The following MIER3 variants were observed in gnomAD, a reference collection of about 807,000 sequenced individuals.
MIER3 encodes the protein mesoderm induction early response protein 3.
A neutral mutation model predicts 63.2 loss-of-function variants in MIER3; 9 were observed. The observed-to-expected ratio is 0.14, with a 90% confidence interval of 0.09 to 0.25. The LOEUF is 0.25. MIER3 is among the 10% of genes least tolerant of loss of function. The pLI, the probability that MIER3 is intolerant of heterozygous loss-of-function variation, is 1.00. For missense variants in MIER3, 512 were observed against 666.2 expected, an observed-to-expected ratio of 0.77 and a Z score of 2.55; for synonymous variants, 205 against 224.9, an observed-to-expected ratio of 0.91 and a Z score of 0.79.
At chr5:56,945,189 T>C (rs1304025352) in intron 3 of MIER3, among the ~76,000 whole-genome samples, 2 of 152,124 alleles carry the variant, frequency 1.3e-5, no homozygotes, top group Non-Finnish European at 2.9e-5. Flanking sequence ...ACCAGCCAGG[T>C]GTGGTGGCTC....
intron 10 of MIER3, among the ~76,000 whole-genome samples, chr5:56,926,661 C>T (rs1749998255): frequency 1.3e-5 from 2 of 151,222 alleles, no homozygotes. Context: ...GACAGTTTGG[C>T]AGTTTCATGC....
At position 56,944,349 on chromosome 5, in the gene MIER3, C is replaced by T. The variant is rs978286460; in HGVS notation, c.180+2577G>A. Among the ~76,000 whole-genome samples, 11 of 152,002 alleles carry T rather than the reference C, an allele frequency of 7.2e-5. No homozygotes were observed. In the South Asian group the frequency reaches 1.5e-3, roughly 20 times the overall value. ...AAAAAAAATTAGCCAGGCTTGGTGGCGGGCACCTATAGTCCCAGCTATTCA... is the reference window on the plus strand; with the variant it reads ...AAAAAAAATTAGCCAGGCTTGGTGGTGGGCACCTATAGTCCCAGCTATTCA... On this transcript the variant is annotated intron_variant, in intron 3 of 12. Coordinates refer to ENST00000381199, the MANE Select transcript of MIER3 (RefSeq NM_001297599.2).
At chr5:56,933,161 C>T (rs552641015) in intron 8 of MIER3, 86 bp downstream of exon 8, 1 of 1,346,772 alleles carries the variant, frequency 7.4e-7, no homozygotes, top group South Asian at 1.8e-5. Flanking sequence ...ATATCTACCT[C>T]ACATGTTAAA....
At chr5:56,950,948 C>G (rs1159041616) in intron 1 of MIER3, among the ~76,000 whole-genome samples, 2 of 152,132 alleles carry the variant, frequency 1.3e-5, no homozygotes, top group African/African-American at 4.8e-5. Flanking sequence ...AGAAGCAAAA[C>G]CCAGAGCAGT....
At chr5:56,948,934 G>C (rs1429163421) in intron 2 of MIER3, among the ~76,000 whole-genome samples, 1 of 152,096 alleles carries the variant, frequency 6.6e-6, no homozygotes, top group African/African-American at 2.4e-5. Context: ...AGGACCTGAG[G>C]GTCTACTCCC....
At chr5:56,934,229 G>A (rs1186561331) in intron 7 of MIER3, among the ~76,000 whole-genome samples, 2 of 151,900 alleles carry the variant, frequency 1.3e-5, no homozygotes, top group African/African-American at 2.4e-5. Context: ...ACCATGATAA[G>A]GGCATTATCA....
chr5:56,941,084 A>T, intron 3 of MIER3: 1 of 985,468 alleles, frequency 1.0e-6, no homozygotes. Context: ...GCTACTGGAC[A>T]TACAAATGAA....
At position 56,920,910 on chromosome 5, in the gene MIER3, T is replaced by C. The variant is rs1749641769; in HGVS notation, c.*2218A>G. 1 of 152,572 alleles carries C rather than the reference T, an allele frequency of 6.6e-6. No individual in the cohort carries two copies. Among genetic ancestry groups the C allele is most frequent in the Admixed American group, 6.5e-5 (1 of 15,284 alleles). 9.5% of individuals were successfully genotyped at this position (152,572 alleles called of 1,614,324 possible). ...ACTCTCTAAGAGGCTAAAATCAGAT[T>C]GACATTTAAAAATCTATTAAACTAG... On this transcript the variant is annotated 3_prime_UTR_variant, in exon 13 of 13. Coordinates refer to ENST00000381199, the MANE Select transcript of MIER3 (RefSeq NM_001297599.2).
intron 3 of MIER3, among the ~76,000 whole-genome samples, chr5:56,940,379 T>C (rs1013146656): frequency 6.6e-6 from 1 of 152,148 alleles, no homozygotes; most frequent in East Asian, 1.9e-4. Context: ...GTGCAAAACA[T>C]GCCCACAGTT....
intron 10 of MIER3, chr5:56,925,330 CAG>C: frequency 2.2e-6 from 1 of 454,698 alleles, no homozygotes; most frequent in South Asian, 1.6e-5. Flanking sequence ...TCTCTGTTTA[CAG>C]GTGACATGAC....
At chr5:56,930,220 A>G (rs1750211572) in intron 9 of MIER3, among the ~76,000 whole-genome samples, 1 of 152,162 alleles carries the variant, frequency 6.6e-6, no homozygotes, top group Non-Finnish European at 1.5e-5. Flanking sequence ...GAACTATAAA[A>G]TGTTATTACA....
At position 56,930,743 on chromosome 5, in the gene MIER3, T is replaced by C. The variant is rs770612851; in HGVS notation, c.750A>G (p.Ala250=). 2 of 1,612,036 alleles carry C rather than the reference T, an allele frequency of 1.2e-6. No individual in the cohort carries two copies. Among genetic ancestry groups the C allele is most frequent in the South Asian group, 1.1e-5 (1 of 91,026 alleles). The change falls in exon 9 of 13, where the codon GCA becomes GCG. Residue 250 remains alanine, a splice_region_variant and synonymous_variant. Coordinates refer to ENST00000381199, the MANE Select transcript of MIER3 (RefSeq NM_001297599.2). ...AGTHTRDNEQ[A]LYELLKCNHN... is the part of the protein sequence containing the mutation. ...GGTTACACTTGAGAAGTTCATATAATGCCTGGGATGGATATTCAATAAAAA... is the reference window on the plus strand; with the variant it reads ...GGTTACACTTGAGAAGTTCATATAACGCCTGGGATGGATATTCAATAAAAA...
intron 7 of MIER3, among the ~76,000 whole-genome samples, 192 bp downstream of exon 7, chr5:56,935,236 G>T (rs930200041): frequency 1.3e-5 from 2 of 152,164 alleles, no homozygotes; most frequent in East Asian, 1.9e-4. Context: ...GGTTGGGGGT[G>T]GGGGGAAACT....
chr5:56,940,116 G>C (rs186474275), intron 3 of MIER3, among the ~76,000 whole-genome samples: 1 of 152,126 alleles, frequency 6.6e-6, no homozygotes, highest in African/African-American at 2.4e-5. Context: ...GATCACTTGA[G>C]GTCAGGAGTT....
intron 2 of MIER3, among the ~76,000 whole-genome samples, chr5:56,949,628 C>CA (rs1750948304): frequency 6.6e-6 from 1 of 152,154 alleles, no homozygotes; most frequent in African/African-American, 2.4e-5. Flanking sequence ...AAATGACAGT[C>CA]AAGTGAGGCT....
intron 2 of MIER3, among the ~76,000 whole-genome samples, chr5:56,948,263 T>C (rs1354160061): frequency 6.6e-6 from 1 of 152,216 alleles, no homozygotes; most frequent in East Asian, 1.9e-4. Context: ...AAAAATACAA[T>C]TTCTACAGGA....
rs1749778910 is a variant in MIER3, at chr5:56,923,440, A to G, written c.1341T>C (p.Asn447=). 6.2e-7 allele frequency: 1 copy of G among 1,614,144 alleles called. No homozygotes were observed. ...ATAAATTAAAACAATCACTTTCCCC[A>G]TTGCTGGGCAGGGTGAGTAACTCTT... is the stretch of plus-strand genomic sequence containing the variant. ...VTEELLTLPS[N]GESDCFNLFE... Residue 447 remains asparagine, a synonymous_variant, in exon 13 of 13, where the codon AAT becomes AAC. Transcript: ENST00000381199.
rs890611326 is a variant in MIER3, at chr5:56,922,112, T to C, written c.*1016A>G. 4 of 152,760 alleles carry C rather than the reference T, an allele frequency of 2.6e-5. No individual in the cohort carries two copies. The East Asian group carries it at 7.7e-4, about 29-fold the overall frequency. 9.5% of individuals were successfully genotyped at this position (152,760 alleles called of 1,614,324 possible). On this transcript the variant is annotated 3_prime_UTR_variant, in exon 13 of 13. Coordinates refer to ENST00000381199, the MANE Select transcript of MIER3 (RefSeq NM_001297599.2). ...AGGTTCTACTGCATTAGGTATAAAA[T>C]CTAGAAGTCCCTCTAAATATTAACA...
At position 56,938,980 on chromosome 5, in the gene MIER3, T is replaced by C. The variant is rs1274987276; in HGVS notation, c.218A>G (p.Tyr73Cys). The change falls in exon 4 of 13, where the codon TAT (tyrosine) becomes TGT (cysteine). Residue 73 changes from tyrosine to cysteine, a missense_variant. Physicochemically the swap from Tyr to Cys is radical, Grantham distance 194. Around this residue, in one of 5 missense-constraint regions of MIER3, gnomAD observed 98 missense variants for 107.4 expected, o/e 0.91. Transcript: ENST00000381199. ...TMPLEDLLAFYGYEPTIPAVA... is the reference protein window; with the variant it reads ...TMPLEDLLAFCGYEPTIPAVA... ...TGCTGGAATTGTAGGTTCATAGCCA[T>C]AGAATGCCAGTAAATCTTCTAGAGG... 8 of 1,614,018 alleles carry C rather than the reference T, an allele frequency of 5.0e-6. No individual in the cohort carries two copies. Among genetic ancestry groups the C allele is most frequent in the Admixed American group, 1.7e-5 (1 of 60,002 alleles).
Sources: gnomAD v4.1 joint callset for allele counts (sites outside exome capture counted in the v4.1 genomes callset) on GRCh38, gnomAD v4.1.1 for gene constraint, gnomAD v4.1.1 regional missense constraint, MANE v1.5 for transcripts, NCBI Gene and HGNC (gene_info 2026-07-23, HGNC 2026-07-21) for gene names.